UST: variants seen among roughly 807,000 people sequenced by gnomAD.
UST encodes the protein chondroitin sulfate 2-O-sulfotransferase.
Under a neutral mutation model 45.6 loss-of-function variants are expected in UST, and 21 were observed. The ratio of observed to expected loss-of-function variants is 0.46; its 90% CI spans 0.33 to 0.66. The LOEUF is 0.66. Among genes scored for constraint, UST ranks in the 30% least tolerant of loss-of-function variants. The pLI is 0.02. For missense variants in UST, 463 were observed against 512.4 expected (o/e 0.90, Z 0.93); for synonymous variants, 215 against 200.6 (o/e 1.07, Z -0.61).
chr6:148,843,794 AC>A (rs1777930906), intron 1 of UST, among the ~76,000 whole-genome samples: 1 of 152,180 alleles, frequency 6.6e-6, no homozygotes, highest in South Asian at 2.1e-4. Context: ...GCTGAAGTTA[AC>A]CACACTTCCA....
chr6:149,051,400 C>T (rs1231716636), intron 7 of UST, among the ~76,000 whole-genome samples: 1 of 152,078 alleles, frequency 6.6e-6, no homozygotes. Flanking sequence ...CAAGTGGTGG[C>T]GAGCATTCTG....
chr6:148,876,825 C>T (rs1217800211), intron 1 of UST, among the ~76,000 whole-genome samples: 1 of 151,654 alleles, frequency 6.6e-6, no homozygotes, highest in Admixed American at 6.6e-5. Flanking sequence ...TCTGTGCTGA[C>T]CACGTTTCCT....
chr6:148,913,382 G>A (rs908164735), intron 2 of UST, among the ~76,000 whole-genome samples: 15 of 144,106 alleles, frequency 1.0e-4, no homozygotes, highest in African/African-American at 3.8e-4. Context: ...TGTATCTATA[G>A]GAGCAAGCAA....
chr6:148,796,797 C>CTTTTTTTTTTT (rs1195878764), intron 1 of UST, among the ~76,000 whole-genome samples: 1 of 72,054 alleles, frequency 1.4e-5, no homozygotes, highest in African/African-American at 5.6e-5. Flanking sequence ...TCTGATAATT[C>CTTTTTTTTTTT]TTTTTTTTTT....
intron 5 of UST, among the ~76,000 whole-genome samples, chr6:148,989,604 C>T (rs1781309484): frequency 6.6e-6 from 1 of 152,146 alleles, no homozygotes; most frequent in Non-Finnish European, 1.5e-5. Context: ...CAAAGGAGAT[C>T]ATATAGGTCC....
intron 1 of UST, among the ~76,000 whole-genome samples, chr6:148,786,785 C>T (rs1312979356): frequency 1.3e-5 from 2 of 152,222 alleles, no homozygotes; most frequent in African/African-American, 2.4e-5. Context: ...AATGGTATTT[C>T]TGCCTCTAGG....
At chr6:148,947,282 C>T (rs979726712) in intron 3 of UST, among the ~76,000 whole-genome samples, 9 of 152,100 alleles carry the variant, frequency 5.9e-5, no homozygotes, top group African/African-American at 1.9e-4. Flanking sequence ...ACATGCTTAG[C>T]GTTCCAATAA....
At chr6:148,912,171 T>G (rs1443059757) in intron 2 of UST, among the ~76,000 whole-genome samples, 2 of 152,234 alleles carry the variant, frequency 1.3e-5, no homozygotes, top group African/African-American at 4.8e-5. Flanking sequence ...CACTCCAGCC[T>G]GGGTGACACA....
chr6:148,944,046 G>A lies in UST; in HGVS notation c.447+2612G>A, dbSNP rs150389131. ...GTATTGCTTTTATTAAAGTTTCAAC[G>A]TGCATAAACAGAAAAAATATTATTT... On this transcript the variant is annotated intron_variant, in intron 3 of 7. Coordinates refer to ENST00000367463, the MANE Select transcript of UST (RefSeq NM_005715.3). 5.3e-3 allele frequency among the ~76,000 whole-genome samples: 812 copies of A among 152,182 alleles called. 4 individuals are homozygous for A. The highest frequency in any genetic ancestry group is 0.017 in the African/African-American group (706 of 41,518).
chr6:148,978,805 G>A (rs1041335883), intron 5 of UST, among the ~76,000 whole-genome samples: 4 of 151,994 alleles, frequency 2.6e-5, no homozygotes, highest in Non-Finnish European at 4.4e-5. Context: ...AAACCTGCAC[G>A]TTCAGCATAT....
rs377084158 is a variant in UST, at chr6:149,063,623, A to G, written c.938-10210A>G. Reference sequence around the variant, plus strand: ...TGGGTCTCCTAGGAATTTCTGTGAAACTCCTTCAGATACTGCCTTTGTGCC... The same window carrying G: ...TGGGTCTCCTAGGAATTTCTGTGAAGCTCCTTCAGATACTGCCTTTGTGCC... On this transcript the variant is annotated intron_variant, in intron 7 of 7. Coordinates refer to ENST00000367463, the MANE Select transcript of UST (RefSeq NM_005715.3). Among the ~76,000 whole-genome samples the G allele has an allele frequency of 3.9e-5, 6 of 152,026 alleles. No individual in the cohort carries two copies. In the East Asian group the frequency reaches 9.6e-4, roughly 24 times the overall value.
At chr6:148,951,569 G>A (rs1219153931) in intron 3 of UST, among the ~76,000 whole-genome samples, 2 of 152,140 alleles carry the variant, frequency 1.3e-5, no homozygotes, top group African/African-American at 4.8e-5. Flanking sequence ...GTCACCCCCT[G>A]ATGCCTCTCC....
At chr6:148,802,428 G>A (rs974293828) in intron 1 of UST, among the ~76,000 whole-genome samples, 3 of 152,214 alleles carry the variant, frequency 2.0e-5, no homozygotes, top group African/African-American at 4.8e-5. Flanking sequence ...GTATATGTAA[G>A]TTTATTTAAG....
At chr6:148,879,952 CTT>C (rs766758383) in intron 1 of UST, among the ~76,000 whole-genome samples, 8 of 119,844 alleles carry the variant, frequency 6.7e-5, no homozygotes, top group Non-Finnish European at 1.3e-4. Flanking sequence ...TTTTTTTTTT[CTT>C]TTTTTTTTTT....
intron 1 of UST, among the ~76,000 whole-genome samples, chr6:148,811,770 C>T (rs1375881549): frequency 6.6e-6 from 1 of 152,156 alleles, no homozygotes; most frequent in African/African-American, 2.4e-5. Flanking sequence ...CTGTAGGACT[C>T]GTGTGATGCA....
chr6:148,805,672 G>A (rs996705394), intron 1 of UST, among the ~76,000 whole-genome samples: 11 of 152,212 alleles, frequency 7.2e-5, no homozygotes, highest in African/African-American at 2.4e-4. Context: ...TTTTCCAACA[G>A]CATTCAGAAT....
chr6:148,831,632 A>G (rs1777688865), intron 1 of UST, among the ~76,000 whole-genome samples: 1 of 152,106 alleles, frequency 6.6e-6, no homozygotes. Flanking sequence ...CCCCTATTTT[A>G]AAAATAAGGA....
rs538167154 is a variant in UST, at chr6:148,987,585, G to A, written c.681+23022G>A. ...AAAGCGGGTCTCTCATGAAAAGAAC[G>A]CTTGCCTTCAAGAAAAGCTCTTTAA... On this transcript the variant is annotated intron_variant, in intron 5 of 7. Transcript: ENST00000367463. Among the ~76,000 whole-genome samples, 39 of 152,298 alleles carry A rather than the reference G, an allele frequency of 2.6e-4. No individual in the cohort carries two copies. In the South Asian group the frequency reaches 5.6e-3, roughly 22 times the overall value.
At chr6:149,029,482 A>G (rs1381841799) in intron 7 of UST, among the ~76,000 whole-genome samples, 3 of 145,850 alleles carry the variant, frequency 2.1e-5, no homozygotes, top group Non-Finnish European at 4.5e-5. Context: ...TATAATGTAT[A>G]TATAATATAT....
Sources: gnomAD v4.1 joint callset for allele counts (sites outside exome capture counted in the v4.1 genomes callset) on GRCh38, gnomAD v4.1.1 for gene constraint, MANE v1.5 for transcripts, NCBI Gene and HGNC (gene_info 2026-07-23, HGNC 2026-07-21) for gene names.